PCDH7: variants seen among roughly 807,000 people sequenced by gnomAD.
PCDH7 encodes protocadherin-7.
A neutral mutation model predicts 58.9 loss-of-function variants in PCDH7; 17 were observed. The ratio of observed to expected loss-of-function variants is 0.29; its 90% CI spans 0.20 to 0.43. The LOEUF is 0.43. PCDH7 is among the 20% of genes least tolerant of loss of function. The probability of loss-of-function intolerance (pLI) is 1.00; values close to 1 mark genes in which losing one functional copy is unlikely to be tolerated. For missense variants in PCDH7, 1,274 were observed against 1,441.0 expected, an observed-to-expected ratio of 0.88 and a Z score of 1.88; for synonymous variants, 664 against 616.4, an observed-to-expected ratio of 1.08 and a Z score of -1.14.
intron 3 of PCDH7, among the ~76,000 whole-genome samples, chr4:30,951,471 C>A (rs1578397702): frequency 6.6e-6 from 1 of 152,154 alleles, no homozygotes; most frequent in South Asian, 2.1e-4. Context: ...TTGTTTTAAC[C>A]TTGAGCACAC....
intron 3 of PCDH7, among the ~76,000 whole-genome samples, chr4:31,130,017 C>T (rs1404297464): frequency 1.3e-5 from 2 of 151,864 alleles, no homozygotes; most frequent in Non-Finnish European, 1.5e-5. Flanking sequence ...AAGTGATGAA[C>T]AAATAATAAA....
At chr4:30,850,488 A>T (rs1443455891) in intron 1 of PCDH7, among the ~76,000 whole-genome samples, 2 of 152,066 alleles carry the variant, frequency 1.3e-5, no homozygotes, top group Non-Finnish European at 2.9e-5. Context: ...AACCTAAGTG[A>T]CTTACCCTGA....
chr4:30,941,832 T>C (rs1054746724), intron 2 of PCDH7, among the ~76,000 whole-genome samples: 1 of 151,934 alleles, frequency 6.6e-6, no homozygotes, highest in Non-Finnish European at 1.5e-5. Flanking sequence ...TAGGTGGAGT[T>C]AGAAACCTGT....
chr4:30,829,353 T>C (rs1729493899), intron 1 of PCDH7, among the ~76,000 whole-genome samples: 1 of 152,120 alleles, frequency 6.6e-6, no homozygotes, highest in African/African-American at 2.4e-5. Context: ...TTGTTTAATT[T>C]CCTAGTTATC....
chr4:31,114,405 C>G (rs1716732619), intron 3 of PCDH7, among the ~76,000 whole-genome samples: 1 of 151,992 alleles, frequency 6.6e-6, no homozygotes, highest in Admixed American at 6.6e-5. Flanking sequence ...TTGAAATAAA[C>G]TGACATATGG....
intron 1 of PCDH7, among the ~76,000 whole-genome samples, chr4:30,830,846 A>G (rs1229372911): frequency 2.0e-5 from 3 of 152,128 alleles, no homozygotes; most frequent in Non-Finnish European, 4.4e-5. Context: ...CTTTAGCTAA[A>G]AGATTACTAC....
chr4:30,721,958 G>T lies in PCDH7; in HGVS notation c.536G>T (p.Arg179Leu), dbSNP rs1477880054. The change falls in exon 1 of 2, where the codon CGC becomes CTC. Residue 179 changes from arginine to leucine, a missense_variant. Transcript: ENST00000361762. This position sits in a 1 kb window ranked among gnomAD's most constrained non-coding sequence, Gnocchi z 6.7. ...GACTTCGGCCGCAACGGCATCGAGC[G>T]CTACGAGCTGCTCCAGGAGCCCGGA... 1.6e-5 allele frequency: 24 copies of T among 1,528,686 alleles called. No homozygotes were observed. Among genetic ancestry groups the T allele is most frequent in the Non-Finnish European group, 2.0e-5 (23 of 1,144,952 alleles). 94.7% of individuals were successfully genotyped at this position (1,528,686 alleles called of 1,614,324 possible). A position where few individuals can be genotyped will look rare whatever the true frequency, so the allele number is the denominator to read the frequency against.
chr4:31,042,900 G>A (rs1202439247), intron 3 of PCDH7, among the ~76,000 whole-genome samples: 1 of 152,088 alleles, frequency 6.6e-6, no homozygotes, highest in Non-Finnish European at 1.5e-5. Flanking sequence ...AAAGTCAGAG[G>A]TTCAGGGGCT....
At chr4:30,928,955 A>G (rs1282900520) in intron 2 of PCDH7, among the ~76,000 whole-genome samples, 1 of 152,146 alleles carries the variant, frequency 6.6e-6, no homozygotes, top group African/African-American at 2.4e-5. Context: ...TCTAAAATTT[A>G]TCCTTGATGA....
intron 1 of PCDH7, among the ~76,000 whole-genome samples, chr4:30,753,763 G>A (rs1017760364): frequency 6.6e-6 from 1 of 152,086 alleles, no homozygotes; most frequent in African/African-American, 2.4e-5. Context: ...CATATGCAGT[G>A]CATTTTAAGA....
chr4:30,726,714 A>G (rs1714658524), intron 1 of PCDH7, among the ~76,000 whole-genome samples: 1 of 151,998 alleles, frequency 6.6e-6, no homozygotes, highest in Admixed American at 6.6e-5. Flanking sequence ...TACATATTCA[A>G]AAGAAGTATA....
intron 3 of PCDH7, among the ~76,000 whole-genome samples, chr4:31,097,581 AATATACATATAT>A (rs1714202096): frequency 1.2e-5 from 1 of 82,382 alleles, no homozygotes; most frequent in Admixed American, 1.5e-4. Flanking sequence ...TTTTCCTCCA[AATATACATATAT>A]ATATATATAT....
intron 3 of PCDH7, among the ~76,000 whole-genome samples, chr4:31,016,961 T>TTG (rs1241091310): frequency 1.9e-4 from 28 of 149,698 alleles, no homozygotes; most frequent in African/African-American, 6.4e-4. Flanking sequence ...GTGTATGTGT[T>TTG]TGTGTGTGTG....
At chr4:30,950,324 A>G (rs751376035) in intron 3 of PCDH7, 13 of 152,548 alleles carry the variant, frequency 8.5e-5, no homozygotes, top group East Asian at 1.9e-4. Context: ...AGAGCCTTCT[A>G]TATGGAAGAA....
chr4:31,078,740 T>C (rs1260964457), intron 3 of PCDH7, among the ~76,000 whole-genome samples: 1 of 148,274 alleles, frequency 6.7e-6, no homozygotes, highest in Non-Finnish European at 1.5e-5. Flanking sequence ...ATATTACAAG[T>C]CCAAAAGTTG....
intron 1 of PCDH7, among the ~76,000 whole-genome samples, chr4:30,917,937 A>G (rs1406061230): frequency 6.6e-6 from 1 of 152,074 alleles, no homozygotes; most frequent in Non-Finnish European, 1.5e-5. Context: ...AAAATGAAAC[A>G]CCATTTCTAA....
intron 3 of PCDH7, among the ~76,000 whole-genome samples, chr4:31,110,669 G>A (rs185428556): frequency 9.1e-4 from 138 of 152,000 alleles, no homozygotes; most frequent in African/African-American, 2.6e-3. Flanking sequence ...TAATCCCAGC[G>A]CTTTAGGAGG....
chr4:30,893,227 T>G (rs1738850189), intron 1 of PCDH7, among the ~76,000 whole-genome samples: 1 of 152,098 alleles, frequency 6.6e-6, no homozygotes, highest in African/African-American at 2.4e-5. Context: ...GACAATATAT[T>G]TCTTTAACCG....
At chr4:31,109,014 G>C (rs980383771) in intron 3 of PCDH7, among the ~76,000 whole-genome samples, 4 of 152,264 alleles carry the variant, frequency 2.6e-5, no homozygotes, top group Admixed American at 6.5e-5. Context: ...TCTTCCATTT[G>C]TCCTTTCCTG....
Sources: allele counts gnomAD v4.1 joint callset (sites outside exome capture counted in the v4.1 genomes callset), GRCh38; gene constraint gnomAD v4.1.1; non-coding constraint Gnocchi (gnomAD v3.1); transcripts MANE v1.5; gene names NCBI Gene and HGNC (gene_info 2026-07-23, HGNC 2026-07-21).